Variants in SEL1L observed in about 807,000 individuals in gnomAD.
The protein encoded by SEL1L is SEL1L adaptor subunit of SYVN1 ubiquitin ligase.
Under a neutral mutation model 109.8 loss-of-function variants are expected in SEL1L, and 52 were observed. That is an observed-to-expected ratio of 0.47 (90% CI 0.38 to 0.60). The LOEUF (loss-of-function observed/expected upper bound fraction) is 0.60. Ranked by LOEUF, SEL1L falls within the 20% of genes least tolerant of loss-of-function variation. SEL1L has a pLI of 0.00. For synonymous variants in SEL1L, 373 were observed against 339.6 expected (o/e 1.10, Z -1.08); for missense variants, 749 against 962.2 (o/e 0.78, Z 2.93).
chr14:81,533,453 G>A (rs1440371769), intron 1 of SEL1L, among the ~76,000 whole-genome samples: 1 of 152,200 alleles, frequency 6.6e-6, no homozygotes, highest in African/African-American at 2.4e-5. Flanking sequence ...GTGGGAGAGA[G>A]GTGTGGGCAG....
chr14:81,512,350 T>C (rs1444674817), intron 3 of SEL1L, among the ~76,000 whole-genome samples: 5 of 152,226 alleles, frequency 3.3e-5, no homozygotes, highest in African/African-American at 1.2e-4. Flanking sequence ...TACTTTTCAA[T>C]AGGACATTTT....
Position 81,506,257 on chromosome 14 carries a change from A to G in SEL1L, c.341-16T>C. On this transcript the variant is annotated splice_polypyrimidine_tract_variant and intron_variant, in intron 3 of 20. Coordinates refer to ENST00000336735, the MANE Select transcript of SEL1L (RefSeq NM_005065.6). Reference sequence around the variant, plus strand: ...GCGGTCAAAGCTGGAATGACAAGAAATAAAAATCTAAACATGAAACAACAC... The same window carrying G: ...GCGGTCAAAGCTGGAATGACAAGAAGTAAAAATCTAAACATGAAACAACAC... 1 of 1,560,812 alleles carries G rather than the reference A, an allele frequency of 6.4e-7. No homozygotes were observed. Among genetic ancestry groups the G allele is most frequent in the Non-Finnish European group, 8.7e-7 (1 of 1,155,626 alleles).
intron 3 of SEL1L, among the ~76,000 whole-genome samples, chr14:81,512,309 T>C (rs1163660886): frequency 6.6e-6 from 1 of 152,242 alleles, no homozygotes; most frequent in East Asian, 1.9e-4. Flanking sequence ...TCTGGAGAAC[T>C]GTGACTAATA....
At chr14:81,498,135 T>C (rs1883849729) in intron 9 of SEL1L, 89 bp from the exon 10 acceptor site, 1 of 1,319,336 alleles carries the variant, frequency 7.6e-7, no homozygotes, top group Middle Eastern at 1.9e-4. Flanking sequence ...TGCCAAACGT[T>C]GACGAACACA....
intron 7 of SEL1L, 41 bp from the exon 8 acceptor site, chr14:81,499,559 C>G (rs772604707): frequency 6.2e-7 from 1 of 1,606,708 alleles, no homozygotes; most frequent in African/African-American, 1.3e-5. Flanking sequence ...CATAGGCACG[C>G]ATTTATTCAA....
chr14:81,504,362 C>T (rs748848801), intron 4 of SEL1L, 56 bp from the exon 5 acceptor site: 27 of 1,246,702 alleles, frequency 2.2e-5, no homozygotes, highest in Non-Finnish European at 2.8e-5. Context: ...CAATTATCAA[C>T]CATTAGTATT....
intron 3 of SEL1L, among the ~76,000 whole-genome samples, chr14:81,511,674 G>T (rs1884481734): frequency 6.6e-6 from 1 of 152,206 alleles, no homozygotes; most frequent in African/African-American, 2.4e-5. Flanking sequence ...CTAGGTTAAA[G>T]GTCGTTCCTT....
In SEL1L at chr14:81,498,030, C is replaced by T. The variant is rs754518891; in HGVS notation, c.990G>A (p.Ser330=). The change falls in exon 10 of 21, where the codon TCG becomes TCA. Residue 330 remains serine (S), a synonymous_variant. Coordinates refer to ENST00000336735, the MANE Select transcript of SEL1L (RefSeq NM_005065.6). The stretch of plus-strand genomic sequence containing the variant: ...TCTGTACTACTGAGCCTCCTGTTAG[C>T]GAGATATCACTAGCAACTGAAATAG... ...LVANHVASDI[S]LTGGSVVQRI... 1.2e-6 allele frequency: 2 copies of T among 1,611,912 alleles called. No individual in the cohort carries two copies. Among genetic ancestry groups the T allele is most frequent in the East Asian group, 2.2e-5 (1 of 44,816 alleles).
chr14:81,481,771 G>A (rs1031415075), intron 19 of SEL1L, among the ~76,000 whole-genome samples: 1 of 152,142 alleles, frequency 6.6e-6, no homozygotes, highest in Admixed American at 6.5e-5. Flanking sequence ...AGTGGCTCAC[G>A]CCTGTAATCC....
At chr14:81,512,833 T>C (rs1267624860) in intron 3 of SEL1L, among the ~76,000 whole-genome samples, 1 of 152,244 alleles carries the variant, frequency 6.6e-6, no homozygotes, top group East Asian at 1.9e-4. Flanking sequence ...TATTCATTCA[T>C]GATCAACAAA....
At chr14:81,528,514 T>C (rs550314781) in intron 1 of SEL1L, among the ~76,000 whole-genome samples, 3 of 152,308 alleles carry the variant, frequency 2.0e-5, no homozygotes, top group Admixed American at 6.5e-5. Flanking sequence ...CTTTTCTGGC[T>C]GCTTGTTACT....
chr14:81,509,872 A>T (rs1287022534), intron 3 of SEL1L, among the ~76,000 whole-genome samples: 3 of 152,242 alleles, frequency 2.0e-5, no homozygotes, highest in Non-Finnish European at 4.4e-5. Flanking sequence ...GTACAAGAGA[A>T]TACTTGTACA....
chr14:81,505,560 G>A (rs893701109), intron 4 of SEL1L, among the ~76,000 whole-genome samples: 5 of 151,392 alleles, frequency 3.3e-5, no homozygotes, highest in Non-Finnish European at 5.9e-5. Flanking sequence ...AAGATTTTCT[G>A]TTGTTTTTTC....
chr14:81,491,334 A>G (rs541264228), intron 12 of SEL1L, among the ~76,000 whole-genome samples: 4 of 152,390 alleles, frequency 2.6e-5, no homozygotes, highest in East Asian at 1.9e-4. Flanking sequence ...GCCAAGAGAA[A>G]GAAAAACAGA....
At chr14:81,484,512 G>T in intron 18 of SEL1L, 115 bp from the exon 19 acceptor site, 2 of 978,980 alleles carry the variant, frequency 2.0e-6, no homozygotes, top group Non-Finnish European at 3.0e-6. Context: ...TTAATTCATA[G>T]TACACAAACT....
intron 20 of SEL1L, 124 bp from the exon 21 acceptor site, chr14:81,477,305 G>GTGTC: frequency 2.4e-6 from 1 of 422,098 alleles, no homozygotes; most frequent in South Asian, 3.2e-5. Context: ...GTTTTGCAAT[G>GTGTC]TGTGTGTGTG....
intron 3 of SEL1L, among the ~76,000 whole-genome samples, chr14:81,519,295 C>T (rs980000734): frequency 6.6e-6 from 1 of 152,322 alleles, no homozygotes; most frequent in African/African-American, 2.4e-5. Flanking sequence ...GCTGATTTTG[C>T]CTTCTAGTCT....
intron 6 of SEL1L, among the ~76,000 whole-genome samples, chr14:81,501,068 GA>G (rs1883987071): frequency 6.6e-6 from 1 of 152,186 alleles, no homozygotes; most frequent in Non-Finnish European, 1.5e-5. Flanking sequence ...ATGTAAGCCT[GA>G]AAACACCCTA....
chr14:81,532,939 TA>T (rs1238408808), intron 1 of SEL1L, among the ~76,000 whole-genome samples: 1 of 151,980 alleles, frequency 6.6e-6, no homozygotes, highest in Non-Finnish European at 1.5e-5. Flanking sequence ...ATTAAAACAT[TA>T]AAAAAGGGGG....
Sources: gnomAD v4.1 joint callset for allele counts (sites outside exome capture counted in the v4.1 genomes callset) on GRCh38, gnomAD v4.1.1 for gene constraint, MANE v1.5 for transcripts, NCBI Gene and HGNC (gene_info 2026-07-23, HGNC 2026-07-21) for gene names.